Variants in CNTN1 observed in about 807,000 individuals in gnomAD.
CNTN1 encodes contactin 1, also known as contactin-1.
A neutral mutation model predicts 126.4 loss-of-function variants in CNTN1; 38 were observed. That is an observed-to-expected ratio of 0.30 (90% CI 0.23 to 0.39). The LOEUF (loss-of-function observed/expected upper bound fraction) is 0.39. Ranked by LOEUF, CNTN1 falls within the 10% of genes least tolerant of loss-of-function variation. The pLI, the probability that CNTN1 is intolerant of heterozygous loss-of-function variation, is 1.00. For synonymous variants in CNTN1, 413 were observed against 422.6 expected (o/e 0.98, Z 0.28); for missense variants, 1,009 against 1,248.4 (o/e 0.81, Z 2.89).
chr12:40,791,195 A>C (rs139035641), intron 1 of CNTN1, among the ~76,000 whole-genome samples: 28 of 152,214 alleles, frequency 1.8e-4, no homozygotes, highest in African/African-American at 6.7e-4. Context: ...TTTGTTTTAT[A>C]TTTTAGCAAA....
At chr12:40,836,877 T>A (rs1334587415) in intron 1 of CNTN1, among the ~76,000 whole-genome samples, 1 of 152,212 alleles carries the variant, frequency 6.6e-6, no homozygotes, top group Non-Finnish European at 1.5e-5. Context: ...TATGATATCC[T>A]CACTTTTAAG....
intron 1 of CNTN1, among the ~76,000 whole-genome samples, chr12:40,849,545 T>C (rs984386011): frequency 6.6e-6 from 1 of 152,060 alleles, no homozygotes; most frequent in African/African-American, 2.4e-5. Flanking sequence ...AGCTTGGTTG[T>C]AATTGATTAG....
At chr12:40,692,855 C>G (rs1008520071) in intron 1 of CNTN1, among the ~76,000 whole-genome samples, 11 of 152,122 alleles carry the variant, frequency 7.2e-5, no homozygotes, top group Admixed American at 7.2e-4. Context: ...AGCTCGGGGT[C>G]TGTGTCTCGT....
At chr12:40,955,620 TTC>T (rs1946849137) in intron 14 of CNTN1, among the ~76,000 whole-genome samples, 1 of 152,124 alleles carries the variant, frequency 6.6e-6, no homozygotes, top group Non-Finnish European at 1.5e-5. Context: ...AATGTATCTA[TTC>T]AATATTTGTT....
chr12:40,815,524 G>A (rs1941228023), intron 1 of CNTN1, among the ~76,000 whole-genome samples: 1 of 152,118 alleles, frequency 6.6e-6, no homozygotes, highest in African/African-American at 2.4e-5. Context: ...TGCTGAAGTT[G>A]TTTATTAGTT....
chr12:40,791,790 C>T (rs1430334368), intron 1 of CNTN1, among the ~76,000 whole-genome samples: 1 of 152,128 alleles, frequency 6.6e-6, no homozygotes, highest in African/African-American at 2.4e-5. Flanking sequence ...ATCCTACCCA[C>T]ATCTTCCCAC....
intron 1 of CNTN1, among the ~76,000 whole-genome samples, chr12:40,739,735 T>C (rs1937855698): frequency 6.6e-6 from 1 of 152,070 alleles, no homozygotes; most frequent in African/African-American, 2.4e-5. Context: ...GGGTAACTTA[T>C]ATTTTTCTGT....
At chr12:40,817,155 T>A (rs114575475) in intron 1 of CNTN1, among the ~76,000 whole-genome samples, 5 of 152,254 alleles carry the variant, frequency 3.3e-5, no homozygotes, top group African/African-American at 1.2e-4. Context: ...CATAGATGTC[T>A]ACTAGGTCCC....
chr12:40,710,320 TTAAG>T (rs1941881741), intron 1 of CNTN1, among the ~76,000 whole-genome samples: 1 of 152,106 alleles, frequency 6.6e-6, no homozygotes, highest in Admixed American at 6.6e-5. Flanking sequence ...CACCTATTGA[TTAAG>T]TATCAATTAA....
At chr12:40,878,554 A>T (rs1943758845) in intron 1 of CNTN1, among the ~76,000 whole-genome samples, 1 of 152,216 alleles carries the variant, frequency 6.6e-6, no homozygotes, top group Admixed American at 6.5e-5. Context: ...GTTTAGACAA[A>T]AATGGTAAAC....
chr12:40,979,445 A>T (rs141608566), intron 15 of CNTN1, among the ~76,000 whole-genome samples: 2 of 152,160 alleles, frequency 1.3e-5, no homozygotes, highest in East Asian at 3.8e-4. Context: ...ATATAAAGGT[A>T]TATATTTCAG....
At chr12:40,914,947 G>A (rs1945177062) in intron 3 of CNTN1, among the ~76,000 whole-genome samples, 1 of 151,866 alleles carries the variant, frequency 6.6e-6, no homozygotes. Flanking sequence ...AACTTTATAG[G>A]CATGGCCTCA....
intron 17 of CNTN1, 44 bp from the exon 18 acceptor site, chr12:41,014,184 C>G: frequency 6.3e-7 from 1 of 1,587,112 alleles, no homozygotes; most frequent in Non-Finnish European, 8.6e-7. Flanking sequence ...AATGCAGGCC[C>G]TCTTTTTGTT....
chr12:40,780,343 T>C (rs932229459), intron 1 of CNTN1, among the ~76,000 whole-genome samples: 1 of 151,804 alleles, frequency 6.6e-6, no homozygotes, highest in African/African-American at 2.4e-5. Context: ...ATCTGAATGA[T>C]TAGGTTTTGA....
At chr12:40,786,069 T>C (rs752400664) in intron 1 of CNTN1, among the ~76,000 whole-genome samples, 4 of 152,196 alleles carry the variant, frequency 2.6e-5, no homozygotes, top group Admixed American at 1.3e-4. Context: ...CATAGTTCTG[T>C]AGGTCAGACG....
At chr12:41,038,457 T>C (rs956555686) in intron 23 of CNTN1, among the ~76,000 whole-genome samples, 2 of 152,208 alleles carry the variant, frequency 1.3e-5, no homozygotes, top group African/African-American at 4.8e-5. Context: ...CCTCAGTGTG[T>C]GTGTGTGCAA....
intron 1 of CNTN1, among the ~76,000 whole-genome samples, chr12:40,757,696 T>C (rs1676648917): frequency 6.6e-6 from 1 of 152,174 alleles, no homozygotes; most frequent in Non-Finnish European, 1.5e-5. Context: ...CCCCTCACTA[T>C]GACATTCTTT....
At chr12:40,922,658 G>C (rs1305261159) in intron 5 of CNTN1, among the ~76,000 whole-genome samples, 1 of 152,048 alleles carries the variant, frequency 6.6e-6, no homozygotes, top group Non-Finnish European at 1.5e-5. Context: ...CAGCGTCTGA[G>C]GATCTTGAAT....
intron 15 of CNTN1, chr12:40,971,634 A>G: frequency 6.7e-7 from 1 of 1,483,490 alleles, no homozygotes; most frequent in Non-Finnish European, 8.8e-7. Context: ...TTCTTAGAGT[A>G]TGTTTCCCCT....
Sources: gnomAD v4.1 joint callset for allele counts (sites outside exome capture counted in the v4.1 genomes callset) on GRCh38, gnomAD v4.1.1 for gene constraint, MANE v1.5 for transcripts, NCBI Gene and HGNC (gene_info 2026-07-23, HGNC 2026-07-21) for gene names.